Variants in PREX2 observed in about 807,000 individuals in gnomAD.
PREX2 encodes phosphatidylinositol 3,4,5-trisphosphate-dependent Rac exchanger 2 protein.
In PREX2, 107 loss-of-function variants were observed where a neutral mutation model predicts 203.2. The ratio of observed to expected loss-of-function variants is 0.53; its 90% CI spans 0.45 to 0.62. The LOEUF is 0.62. Ranked by LOEUF, PREX2 falls within the 20% of genes least tolerant of loss-of-function variation. The probability of loss-of-function intolerance (pLI) is 0.00; values close to 1 mark genes in which losing one functional copy is unlikely to be tolerated. For missense variants in PREX2, 1,777 were observed against 1,955.9 expected (o/e 0.91, Z 1.72); for synonymous variants, 672 against 663.6 (o/e 1.01, Z -0.19).
intron 1 of PREX2, chr8:67,952,791 A>T (rs1805391634): frequency 1.4e-5 from 8 of 578,898 alleles, no homozygotes; most frequent in Non-Finnish European, 2.2e-5. Context: ...GCTCTAGAGA[A>T]GAGAGCTCCA....
At chr8:68,077,274 A>G in intron 14 of PREX2, 123 bp from the exon 15 acceptor site, 1 of 725,270 alleles carries the variant, frequency 1.4e-6, no homozygotes, top group Non-Finnish European at 2.6e-6. Flanking sequence ...TGTCTTATAA[A>G]GCAATGCATG....
At chr8:68,127,543 C>T (rs1169499070) in intron 31 of PREX2, 124 bp downstream of exon 31, 1 of 598,906 alleles carries the variant, frequency 1.7e-6, no homozygotes, top group East Asian at 2.9e-5. Flanking sequence ...TCCCTACCTT[C>T]TCCAAAGCTT....
intron 23 of PREX2, chr8:68,105,153 A>G (rs770967983): frequency 3.1e-5 from 43 of 1,367,688 alleles, no homozygotes; most frequent in Non-Finnish European, 4.0e-5. Flanking sequence ...AGCTTCAGAA[A>G]GGTTTTACAA....
At chr8:68,096,065 A>G (rs997998279) in intron 21 of PREX2, among the ~76,000 whole-genome samples, 1 of 152,210 alleles carries the variant, frequency 6.6e-6, no homozygotes, top group African/African-American at 2.4e-5. Flanking sequence ...GGGTAATATC[A>G]GAAACATCTC....
chr8:68,004,180 T>A (rs1359060561), intron 1 of PREX2, among the ~76,000 whole-genome samples: 2 of 152,204 alleles, frequency 1.3e-5, no homozygotes, highest in Non-Finnish European at 2.9e-5. Context: ...ATTTCCTGAC[T>A]GTTCCACCTT....
At position 68,095,638 on chromosome 8, in the gene PREX2, AT is replaced by A. The variant is rs35221236; in HGVS notation, c.2369-1367del. Among the ~76,000 whole-genome samples, 819 of 121,644 alleles carry A rather than the reference AT, an allele frequency of 6.7e-3. 11 individuals carry two copies. Among genetic ancestry groups the A allele is most frequent in the African/African-American group, 0.02 (645 of 32,802 alleles). The allele number at this position is 121,644 out of a possible 152,430, so 79.8% of individuals were successfully genotyped here. On this transcript the variant is annotated intron_variant, in intron 21 of 39. Transcript: ENST00000288368. The stretch of plus-strand genomic sequence containing the variant: ...CTTCCCTTCCTTTCCTTTCCTTTCC[AT>A]TTTTTTTTTTTCAGAGTCTTTCTTT...
intron 11 of PREX2, among the ~76,000 whole-genome samples, chr8:68,067,751 C>G (rs752046104): frequency 8.6e-5 from 13 of 152,024 alleles, no homozygotes; most frequent in South Asian, 2.1e-4. Context: ...ACTTCTTGTA[C>G]TATGTTGAAC....
chr8:68,061,143 G>A (rs114038183), intron 11 of PREX2, among the ~76,000 whole-genome samples: 2,285 of 152,280 alleles, frequency 0.015, 48 homozygotes, highest in African/African-American at 0.052. Flanking sequence ...GCCAGGGACC[G>A]CAGGGCAGAA....
At chr8:67,956,935 T>C (rs1267409262) in intron 1 of PREX2, among the ~76,000 whole-genome samples, 1 of 152,256 alleles carries the variant, frequency 6.6e-6, no homozygotes, top group East Asian at 1.9e-4. Flanking sequence ...TTTAAACACA[T>C]TCCTAACTTT....
Position 68,053,141 on chromosome 8 carries a change from A to T in PREX2, c.988A>T (p.Ile330Leu). The change falls in exon 9 of 40, where the codon ATA becomes TTA. Residue 330 changes from isoleucine (I) to leucine (L), a missense_variant. Ile to Leu is a conservative substitution (Grantham distance 5, BLOSUM62 2). Coordinates refer to ENST00000288368, the MANE Select transcript of PREX2 (RefSeq NM_024870.4). Reference protein sequence around the residue: ...SGHIVVNGWKIHNTAKNKWFV... With the variant: ...SGHIVVNGWKLHNTAKNKWFV... ...ACACATTGTTGTTAATGGATGGAAGATACATAACACAGCAAAAAATAAATG... is the reference window on the plus strand; with the variant it reads ...ACACATTGTTGTTAATGGATGGAAGTTACATAACACAGCAAAAAATAAATG... The T allele has an allele frequency of 6.2e-7, 1 of 1,613,588 alleles. No individual in the cohort carries two copies. Among genetic ancestry groups the T allele is most frequent in the East Asian group, 2.2e-5 (1 of 44,840 alleles).
chr8:67,973,186 G>A (rs1805975499), intron 1 of PREX2, among the ~76,000 whole-genome samples: 1 of 152,110 alleles, frequency 6.6e-6, no homozygotes, highest in Non-Finnish European at 1.5e-5. Flanking sequence ...ATAAAAGTAT[G>A]GGCAGACTGA....
At chr8:68,227,381 G>A (rs1401933105) in intron 39 of PREX2, among the ~76,000 whole-genome samples, 1 of 152,160 alleles carries the variant, frequency 6.6e-6, no homozygotes, top group Non-Finnish European at 1.5e-5. Flanking sequence ...TCTTTCCTCT[G>A]AGACAGTGGG....
intron 35 of PREX2, chr8:68,177,208 T>C (rs968644006): frequency 1.3e-5 from 2 of 152,284 alleles, no homozygotes; most frequent in African/African-American, 4.8e-5. Context: ...TACCAGATTC[T>C]GTAGGCAGTT....
At chr8:68,198,048 A>G (rs1585859197) in intron 37 of PREX2, among the ~76,000 whole-genome samples, 1 of 152,100 alleles carries the variant, frequency 6.6e-6, no homozygotes, top group Non-Finnish European at 1.5e-5. Context: ...AGATAAAATC[A>G]CTGTGTCAAA....
chr8:68,231,038 A>G (rs1244624698), intron 39 of PREX2, among the ~76,000 whole-genome samples: 1 of 152,202 alleles, frequency 6.6e-6, no homozygotes, highest in African/African-American at 2.4e-5. Context: ...TTTTACCACA[A>G]GTGTGGTGAA....
At chr8:68,081,236 G>C (rs1809509239) in intron 17 of PREX2, among the ~76,000 whole-genome samples, 1 of 152,102 alleles carries the variant, frequency 6.6e-6, no homozygotes, top group South Asian at 2.1e-4. Context: ...TCCCCCGCAT[G>C]CTCGGTTCAC....
intron 1 of PREX2, among the ~76,000 whole-genome samples, chr8:67,968,154 C>G (rs1805828745): frequency 6.6e-6 from 1 of 151,966 alleles, no homozygotes; most frequent in Non-Finnish European, 1.5e-5. Flanking sequence ...ATAGAAATGA[C>G]TCCCTTGAGG....
chr8:68,119,551 C>T (rs1453876704), intron 28 of PREX2, 37 bp downstream of exon 28: 11 of 1,473,258 alleles, frequency 7.5e-6, no homozygotes, highest in Non-Finnish European at 1.0e-5. Flanking sequence ...TGTTCCACAA[C>T]TAAACTGTGA....
At chr8:68,039,425 A>G (rs1808129920) in intron 7 of PREX2, among the ~76,000 whole-genome samples, 2 of 152,096 alleles carry the variant, frequency 1.3e-5, no homozygotes, top group Non-Finnish European at 1.5e-5. Flanking sequence ...TCTTGGCTGG[A>G]TATTGGAGTG....
Sources: allele counts gnomAD v4.1 joint callset (sites outside exome capture counted in the v4.1 genomes callset), GRCh38; gene constraint gnomAD v4.1.1; transcripts MANE v1.5; gene names NCBI Gene and HGNC (gene_info 2026-07-23, HGNC 2026-07-21).